The following CPAMD8 variants were observed in gnomAD, a reference collection of about 807,000 sequenced individuals.
CPAMD8 encodes the protein C3 and PZP-like alpha-2-macroglobulin domain-containing protein 8.
Under a neutral mutation model 224.7 loss-of-function variants are expected in CPAMD8, and 146 were observed. That is an observed-to-expected ratio of 0.65 (90% CI 0.57 to 0.75). CPAMD8 has a LOEUF of 0.75. CPAMD8 is among the 30% of genes least tolerant of loss of function. The pLI is 0.00. For synonymous variants in CPAMD8, 966 were observed against 1,044.6 expected, an observed-to-expected ratio of 0.92 and a Z score of 1.45; for missense variants, 2,301 against 2,537.5, an observed-to-expected ratio of 0.91 and a Z score of 2.00.
chr19:16,914,277 A>G, intron 29 of CPAMD8, 147 bp downstream of exon 29: 3 of 647,244 alleles, frequency 4.6e-6, no homozygotes, highest in Middle Eastern at 2.7e-4. Context: ...TAATGTGACC[A>G]TTGTTGATGA....
At chr19:16,946,897 A>C (rs1311391272) in intron 21 of CPAMD8, among the ~76,000 whole-genome samples, 177 bp downstream of exon 21, 1 of 151,470 alleles carries the variant, frequency 6.6e-6, no homozygotes, top group Non-Finnish European at 1.5e-5. Context: ...TTGCCTCCCC[A>C]CTCCTCCTGG....
At chr19:16,913,750 A>G (rs2052817975) in intron 29 of CPAMD8, among the ~76,000 whole-genome samples, 1 of 152,152 alleles carries the variant, frequency 6.6e-6, no homozygotes, top group Non-Finnish European at 1.5e-5. Context: ...GGTCACAGCA[A>G]ACTGTAGACC....
intron 39 of CPAMD8, chr19:16,897,449 C>T: frequency 1.8e-6 from 1 of 547,540 alleles, no homozygotes; most frequent in African/African-American, 2.0e-5. Context: ...ACTGACCATT[C>T]CCCAGCCACT....
intron 15 of CPAMD8, 122 bp from the exon 16 acceptor site, chr19:16,976,273 C>T (rs1443248639): frequency 9.1e-6 from 6 of 661,994 alleles, no homozygotes; most frequent in African/African-American, 7.5e-5. Flanking sequence ...GTCAAGAGTT[C>T]GAGACCAGCC....
intron 18 of CPAMD8, among the ~76,000 whole-genome samples, chr19:16,970,309 A>T (rs1426487146): frequency 1.3e-5 from 2 of 151,502 alleles, no homozygotes; most frequent in Non-Finnish European, 2.9e-5. Context: ...CTTCCAGGCC[A>T]GGTACAGTGA....
intron 18 of CPAMD8, among the ~76,000 whole-genome samples, chr19:16,967,891 A>ATATGTGCATATACACACACACG (rs1568540018): frequency 1.2e-4 from 3 of 25,846 alleles, no homozygotes; most frequent in African/African-American, 1.8e-4. Flanking sequence ...ATACACACAC[A>ATATGTGCATATACACACACACG]TGTGTGTGTA....
At chr19:16,980,801 GC>G in intron 13 of CPAMD8, 115 bp from the exon 14 acceptor site, 1 of 763,984 alleles carries the variant, frequency 1.3e-6, no homozygotes, top group Non-Finnish European at 2.1e-6. Flanking sequence ...GGAGCGGAGT[GC>G]CCAGCATCCA....
chr19:16,996,112 T>C lies in CPAMD8; in HGVS notation c.1095+999A>G, dbSNP rs185296482. Among the ~76,000 whole-genome samples the C allele has an allele frequency of 2.3e-3, 350 of 152,274 alleles. 2 individuals are homozygous for C. Among genetic ancestry groups the C allele is most frequent in the African/African-American group, 8.2e-3 (342 of 41,556 alleles). ...TTGCAATTAGTCGAGATCATGCCAC[T>C]GCACTCCAGCCTGGGCGACAGAGCG... On this transcript the variant is annotated intron_variant, in intron 11 of 41. Coordinates refer to ENST00000443236, the MANE Select transcript of CPAMD8 (RefSeq NM_015692.5).
At chr19:16,905,502 T>G (rs543703759) in intron 30 of CPAMD8, among the ~76,000 whole-genome samples, 2 of 123,282 alleles carry the variant, frequency 1.6e-5, no homozygotes, top group African/African-American at 6.5e-5. Context: ...ATCACGCCAT[T>G]GCACTCCAGC....
At chr19:16,996,927 G>A (rs2056144750) in intron 11 of CPAMD8, among the ~76,000 whole-genome samples, 184 bp downstream of exon 11, 1 of 151,346 alleles carries the variant, frequency 6.6e-6, no homozygotes, top group Admixed American at 6.6e-5. Flanking sequence ...AGAGTAGATT[G>A]TCCTTTCCCG....
intron 18 of CPAMD8, among the ~76,000 whole-genome samples, chr19:16,964,806 C>T (rs2054772783): frequency 6.6e-6 from 1 of 152,142 alleles, no homozygotes. Flanking sequence ...TACTGGCAAA[C>T]AAAATCCAGC....
chr19:16,966,683 G>A (rs549610109), intron 18 of CPAMD8, among the ~76,000 whole-genome samples: 1 of 152,048 alleles, frequency 6.6e-6, no homozygotes, highest in South Asian at 2.1e-4. Flanking sequence ...GTGGGCAAAG[G>A]ATATGAACAG....
intron 23 of CPAMD8, among the ~76,000 whole-genome samples, chr19:16,930,682 G>T (rs900848191): frequency 6.6e-6 from 1 of 152,060 alleles, no homozygotes; most frequent in Non-Finnish European, 1.5e-5. Context: ...CTAGATCCTC[G>T]TGGGCCACAG....
In CPAMD8 at chr19:16,893,197, G is replaced by A; in HGVS notation, c.5569C>T (p.Leu1857Phe). 6.3e-7 allele frequency: 1 copy of A among 1,595,842 alleles called. No homozygotes were observed. Among genetic ancestry groups the A allele is most frequent in the Admixed American group, 1.7e-5 (1 of 58,712 alleles). The change falls in exon 42 of 42, where the codon CTT becomes TTT. Residue 1857 changes from leucine (L) to phenylalanine (F), a missense_variant. Physicochemically the swap from Leu to Phe is conservative, Grantham distance 22. Coordinates refer to ENST00000443236, the MANE Select transcript of CPAMD8 (RefSeq NM_015692.5). ...GRVVGAHRPG[L>F]LSPVFVYSPA... Reference sequence around the variant, plus strand: ...CTGTAGACGAAGACAGGGCTCAGAAGCCCTGGCCTGTGGGCCCCCACCACC... The same window carrying A: ...CTGTAGACGAAGACAGGGCTCAGAAACCCTGGCCTGTGGGCCCCCACCACC...
chr19:17,012,506 C>A (rs905003158), intron 3 of CPAMD8, among the ~76,000 whole-genome samples: 5 of 151,768 alleles, frequency 3.3e-5, no homozygotes, highest in Non-Finnish European at 7.4e-5. Context: ...CACCACCAAG[C>A]CAGGCTTATT....
At chr19:17,018,409 G>A (rs2056866133) in intron 3 of CPAMD8, among the ~76,000 whole-genome samples, 1 of 152,120 alleles carries the variant, frequency 6.6e-6, no homozygotes, top group Non-Finnish European at 1.5e-5. Flanking sequence ...ACTGCAGGTG[G>A]TTCCATGAAC....
rs769442413 is a variant in CPAMD8, at chr19:17,011,629, G to A, written c.396C>T (p.Ile132=). 1.8e-5 allele frequency: 29 copies of A among 1,614,080 alleles called. No individual in the cohort carries two copies. The highest frequency in any genetic ancestry group is 2.5e-5 in the Non-Finnish European group (29 of 1,180,054). Residue 132 remains isoleucine, a synonymous_variant, in exon 4 of 42, where the codon ATC becomes ATT. Coordinates refer to ENST00000443236, the MANE Select transcript of CPAMD8 (RefSeq NM_015692.5). ...GTCTGTACACAGGCTTGTCCGTCTG[G>A]ATGAATACAGAAGCGCCCCGGCCGT... ...TVDGRGASVF[I]QTDKPVYRPQ...
intron 17 of CPAMD8, among the ~76,000 whole-genome samples, chr19:16,972,662 C>T (rs1469133675): frequency 6.6e-6 from 1 of 152,038 alleles, no homozygotes; most frequent in Non-Finnish European, 1.5e-5. Context: ...TCTCGATCTC[C>T]TGACCTCGTG....
At chr19:16,958,011 G>A (rs1017916819) in intron 18 of CPAMD8, 96 bp from the exon 19 acceptor site, 44 of 1,139,856 alleles carry the variant, frequency 3.9e-5, no homozygotes, top group East Asian at 7.1e-5. Context: ...CAGATATAAC[G>A]CGTTAATTTC....
Sources: allele counts gnomAD v4.1 joint callset (sites outside exome capture counted in the v4.1 genomes callset), GRCh38; gene constraint gnomAD v4.1.1; transcripts MANE v1.5; gene names NCBI Gene and HGNC (gene_info 2026-07-23, HGNC 2026-07-21).